PPDPFL: variants seen among roughly 807,000 people sequenced by gnomAD.
The protein encoded by PPDPFL is pancreatic progenitor cell differentiation and proliferation factor-like protein.
A neutral mutation model predicts 12.6 loss-of-function variants in PPDPFL; 12 were observed. The ratio of observed to expected loss-of-function variants is 0.95; its 90% CI spans 0.61 to 1.54. The LOEUF is 1.54. PPDPFL is among the 40% of genes most tolerant of loss of function. The pLI, the probability that PPDPFL is intolerant of heterozygous loss-of-function variation, is 0.00. For missense variants in PPDPFL, 114 were observed against 96.0 expected (o/e 1.19, Z -0.78); for synonymous variants, 24 against 32.7 (o/e 0.73, Z 0.91).
intron 1 of PPDPFL, among the ~76,000 whole-genome samples, chr8:49,058,483 T>G (rs1808145721): frequency 6.6e-6 from 1 of 152,226 alleles, no homozygotes; most frequent in Non-Finnish European, 1.5e-5. Flanking sequence ...ATCAGCTTGC[T>G]GGAGATATTT....
intron 2 of PPDPFL, 26 bp from the exon 3 acceptor site, chr8:49,074,033 T>G (rs187828352): frequency 1.2e-4 from 174 of 1,511,654 alleles, no homozygotes; most frequent in Non-Finnish European, 1.4e-4. Flanking sequence ...GTTATTTATT[T>G]GTTTAATATC....
intron 1 of PPDPFL, among the ~76,000 whole-genome samples, chr8:49,062,311 G>A (rs1192431232): frequency 6.6e-6 from 1 of 152,188 alleles, no homozygotes; most frequent in East Asian, 1.9e-4. Flanking sequence ...AAACCGATAT[G>A]TTGTGAGGAT....
chr8:49,065,837 C>G (rs1029965492), intron 1 of PPDPFL, among the ~76,000 whole-genome samples: 1 of 152,154 alleles, frequency 6.6e-6, no homozygotes, highest in East Asian at 1.9e-4. Flanking sequence ...TTTGGGGGAA[C>G]CTAACACTCT....
intron 1 of PPDPFL, among the ~76,000 whole-genome samples, chr8:49,059,204 T>A (rs1563297431): frequency 6.6e-6 from 1 of 152,104 alleles, no homozygotes; most frequent in African/African-American, 2.4e-5. Flanking sequence ...CCCAGGTCTA[T>A]ATATATTCCG....
At chr8:49,066,271 C>T (rs1808298793) in intron 1 of PPDPFL, among the ~76,000 whole-genome samples, 1 of 152,192 alleles carries the variant, frequency 6.6e-6, no homozygotes. Flanking sequence ...CATATTTTCT[C>T]CATATCCATG....
In PPDPFL at chr8:49,075,011, G is replaced by T; in HGVS notation, c.234-141G>T. On this transcript the variant is annotated intron_variant, in intron 4 of 4. Coordinates refer to ENST00000522267, the MANE Select transcript of PPDPFL (RefSeq NM_001256597.2). ...TTTAAAATTAGAATCATTATTTAAA[G>T]TATTTTTAAAAGCCAATGCAAGATT... 6.4e-6 allele frequency: 9 copies of T among 1,404,724 alleles called. No homozygotes were observed. In the South Asian group the frequency reaches 1.3e-4, roughly 20 times the overall value. 87.0% of individuals were successfully genotyped at this position (1,404,724 alleles called of 1,614,324 possible). A position where few individuals can be genotyped will look rare whatever the true frequency, so the allele number is the denominator to read the frequency against.
At chr8:49,067,255 A>G (rs1585673723) in intron 1 of PPDPFL, among the ~76,000 whole-genome samples, 1 of 152,234 alleles carries the variant, frequency 6.6e-6, no homozygotes, top group Admixed American at 6.5e-5. Context: ...TGCAACAATT[A>G]TGAAATGAAA....
intron 1 of PPDPFL, among the ~76,000 whole-genome samples, chr8:49,067,131 A>G (rs116681752): frequency 6.6e-6 from 1 of 152,368 alleles, no homozygotes; most frequent in African/African-American, 2.4e-5. Context: ...ATTGAATTAT[A>G]TGTATTGAAA....
intron 1 of PPDPFL, among the ~76,000 whole-genome samples, chr8:49,055,556 A>G (rs1221092283): frequency 6.6e-6 from 1 of 152,142 alleles, no homozygotes; most frequent in Non-Finnish European, 1.5e-5. Context: ...TAAATATGAT[A>G]TTACATTGGT....
At chr8:49,066,110 C>A (rs1473588767) in intron 1 of PPDPFL, among the ~76,000 whole-genome samples, 8 of 152,202 alleles carry the variant, frequency 5.3e-5, no homozygotes, top group African/African-American at 1.9e-4. Flanking sequence ...ATAAACAACG[C>A]ATTTCTCACA....
intron 2 of PPDPFL, 111 bp from the exon 3 acceptor site, chr8:49,073,948 A>C: frequency 1.4e-6 from 1 of 706,646 alleles, no homozygotes; most frequent in Non-Finnish European, 2.4e-6. Flanking sequence ...TTCACAAGCC[A>C]GGAATAAATG....
At chr8:49,061,000 C>G (rs189545670) in intron 1 of PPDPFL, among the ~76,000 whole-genome samples, 2 of 152,144 alleles carry the variant, frequency 1.3e-5, no homozygotes, top group East Asian at 3.9e-4. Flanking sequence ...TGGAGCCCAG[C>G]GAGAGGCAGA....
chr8:49,073,025 C>T, intron 2 of PPDPFL, 140 bp downstream of exon 2: 1 of 740,188 alleles, frequency 1.4e-6, no homozygotes, highest in Non-Finnish European at 2.2e-6. Context: ...AGCAGGAGGC[C>T]TCAGGGACTT....
rs183082429 is a variant in PPDPFL, at chr8:49,056,206, C to T, written c.-45+1837C>T. Among the ~76,000 whole-genome samples, 9 of 152,322 alleles carry T rather than the reference C, an allele frequency of 5.9e-5. No homozygotes were observed. The East Asian group carries it at 1.5e-3, about 26-fold the overall frequency. ...TACATTTTCTATCAGCCTCCTCCCT[C>T]TCCCTGTCTCACTTGCTCAGCTGAA... On this transcript the variant is annotated intron_variant, in intron 1 of 4. Coordinates refer to the PPDPFL transcript ENST00000517663.
At chr8:49,067,984 A>T (rs932474652), upstream of PPDPFL, among the ~76,000 whole-genome samples, 1 of 152,206 alleles carries the variant, frequency 6.6e-6, no homozygotes, top group South Asian at 2.1e-4. Flanking sequence ...TTAAAAAAAA[A>T]CTTGAATCAG....
intron 1 of PPDPFL, among the ~76,000 whole-genome samples, chr8:49,061,255 C>T (rs573532092): frequency 9.9e-5 from 15 of 152,152 alleles, no homozygotes; most frequent in Admixed American, 1.3e-4. Context: ...GGGTGGGCTC[C>T]AATGCAATAC....
upstream of PPDPFL, among the ~76,000 whole-genome samples, chr8:49,068,932 A>T (rs945936404): frequency 4.6e-5 from 7 of 152,198 alleles, no homozygotes; most frequent in African/African-American, 1.7e-4. Flanking sequence ...CAAAAAACAG[A>T]TATCATTAGG....
chr8:49,075,554 C>T lies in PPDPFL; in HGVS notation c.*381C>T, dbSNP rs887963590. 1.7e-5 allele frequency: 7 copies of T among 420,700 alleles called. No homozygotes were observed. Among genetic ancestry groups the T allele is most frequent in the African/African-American group, 1.2e-4 (6 of 49,598 alleles). 26.1% of individuals were successfully genotyped at this position (420,700 alleles called of 1,614,324 possible). A position where few individuals can be genotyped will look rare whatever the true frequency, so the allele number is the denominator to read the frequency against. On this transcript the variant is annotated 3_prime_UTR_variant, in exon 5 of 5. Transcript: ENST00000522267. ...ATGTTGTGACTTACATAAAGTAGCTCTTTCATTTTTTATATCATTTTTATT... is the reference window on the plus strand; with the variant it reads ...ATGTTGTGACTTACATAAAGTAGCTTTTTCATTTTTTATATCATTTTTATT...
At chr8:49,074,924 G>A (rs1056572143) in intron 4 of PPDPFL, 3 of 1,381,616 alleles carry the variant, frequency 2.2e-6, no homozygotes, top group Non-Finnish European at 2.8e-6. Context: ...ATTCATAGAT[G>A]CCAATGTTGA....
Sources: allele counts gnomAD v4.1 joint callset (sites outside exome capture counted in the v4.1 genomes callset), GRCh38; gene constraint gnomAD v4.1.1; transcripts MANE v1.5; gene names NCBI Gene and HGNC (gene_info 2026-07-23, HGNC 2026-07-21).